Variants in ARHGAP10 observed in about 807,000 individuals in gnomAD.
ARHGAP10 encodes the protein rho GTPase-activating protein 10.
In ARHGAP10, 87 loss-of-function variants were observed where a neutral mutation model predicts 108.6. The observed-to-expected ratio is 0.80, with a 90% CI of 0.67 to 0.96. The LOEUF (loss-of-function observed/expected upper bound fraction) is 0.96, where lower values mean the gene tolerates loss of function less well. ARHGAP10 is among the 40% of genes least tolerant of loss of function. ARHGAP10 has a pLI of 0.00. For synonymous variants in ARHGAP10, 347 were observed against 341.1 expected (o/e 1.02, Z -0.19); for missense variants, 939 against 954.5 (o/e 0.98, Z 0.21).
At chr4:148,071,452 C>T (rs914163583) in intron 22 of ARHGAP10, among the ~76,000 whole-genome samples, 2 of 152,148 alleles carry the variant, frequency 1.3e-5, no homozygotes, top group African/African-American at 4.8e-5. Context: ...CCCATCTCTA[C>T]TAAAAATACA....
At chr4:147,913,242 G>A (rs1290010478) in intron 13 of ARHGAP10, 103 bp downstream of exon 13, 1 of 997,844 alleles carries the variant, frequency 1.0e-6, no homozygotes, top group Non-Finnish European at 1.6e-6. Context: ...AATGAAACGT[G>A]TTAACACAAA....
At chr4:147,911,582 T>C (rs1736735594) in intron 12 of ARHGAP10, among the ~76,000 whole-genome samples, 1 of 152,186 alleles carries the variant, frequency 6.6e-6, no homozygotes, top group Non-Finnish European at 1.5e-5. Flanking sequence ...CAGGATGGTC[T>C]TGATCTCCTG....
intron 19 of ARHGAP10, among the ~76,000 whole-genome samples, chr4:148,025,263 T>C (rs111771375): frequency 1.1e-4 from 16 of 152,322 alleles, no homozygotes; most frequent in African/African-American, 3.6e-4. Context: ...TTAACTTCTT[T>C]AGTCTGGTTT....
chr4:147,938,661 C>T (rs867534812), intron 13 of ARHGAP10, among the ~76,000 whole-genome samples: 3 of 152,134 alleles, frequency 2.0e-5, no homozygotes, highest in Non-Finnish European at 2.9e-5. Flanking sequence ...TTCATCACTC[C>T]GAGCAGGGAG....
At chr4:148,054,596 G>A (rs777159652) in intron 20 of ARHGAP10, among the ~76,000 whole-genome samples, 78 of 152,222 alleles carry the variant, frequency 5.1e-4, no homozygotes, top group African/African-American at 8.2e-4. Context: ...AGCTCTAGAT[G>A]TTGACCTGAA....
chr4:147,831,800 C>G (rs1252672752), intron 3 of ARHGAP10, among the ~76,000 whole-genome samples: 3 of 152,144 alleles, frequency 2.0e-5, no homozygotes, highest in Non-Finnish European at 4.4e-5. Context: ...CTATAGAGAT[C>G]ACAGTCAGGA....
chr4:147,919,169 G>A (rs776183770), intron 13 of ARHGAP10, among the ~76,000 whole-genome samples: 2 of 152,016 alleles, frequency 1.3e-5, no homozygotes, highest in Non-Finnish European at 2.9e-5. Context: ...CTGTACTATC[G>A]TTCTCAGTAC....
intron 1 of ARHGAP10, among the ~76,000 whole-genome samples, chr4:147,813,464 G>A (rs966531287): frequency 2.0e-5 from 3 of 152,160 alleles, no homozygotes; most frequent in Non-Finnish European, 4.4e-5. Flanking sequence ...ATTCTCTTGA[G>A]AATTTTAATT....
chr4:147,859,376 G>A lies in ARHGAP10; in HGVS notation c.486+1722G>A, dbSNP rs547678837. Among the ~76,000 whole-genome samples, 124 of 150,884 alleles carry A rather than the reference G, an allele frequency of 8.2e-4. 1 individual carries two copies. The highest frequency in any genetic ancestry group is 1.5e-3 in the Non-Finnish European group (103 of 67,882). Reference sequence around the variant, plus strand: ...CAACCTCCACCTGCCGGATTCAAGCGATTTTCCTGCCTCTGTCTCCTGTGT... The same window carrying A: ...CAACCTCCACCTGCCGGATTCAAGCAATTTTCCTGCCTCTGTCTCCTGTGT... On this transcript the variant is annotated intron_variant, in intron 5 of 22. Coordinates refer to ENST00000336498, the MANE Select transcript of ARHGAP10 (RefSeq NM_024605.4).
intron 18 of ARHGAP10, among the ~76,000 whole-genome samples, chr4:147,991,988 A>G (rs138942631): frequency 8.6e-4 from 131 of 152,334 alleles, no homozygotes; most frequent in African/African-American, 3.0e-3. Context: ...CAAAAAGTGC[A>G]GGATTAACTT....
intron 7 of ARHGAP10, among the ~76,000 whole-genome samples, chr4:147,873,681 A>AACACACACACAC (rs67852364): frequency 0.079 from 7,787 of 98,628 alleles, 562 homozygotes; most frequent in Middle Eastern, 0.1. Flanking sequence ...CAAAAAACAA[A>AACACACACACAC]ACACACACAC....
chr4:147,816,268 T>C (rs1560773606), intron 1 of ARHGAP10, among the ~76,000 whole-genome samples: 1 of 152,132 alleles, frequency 6.6e-6, no homozygotes, highest in Non-Finnish European at 1.5e-5. Flanking sequence ...TTCTCTCCAG[T>C]CCCCACATCA....
intron 1 of ARHGAP10, among the ~76,000 whole-genome samples, chr4:147,761,261 C>T (rs1729577480): frequency 6.6e-6 from 1 of 152,126 alleles, no homozygotes; most frequent in African/African-American, 2.4e-5. Context: ...AAGCAATCCT[C>T]CCTCCTTGAC....
chr4:147,917,847 G>T (rs1255164550), intron 13 of ARHGAP10, among the ~76,000 whole-genome samples: 2 of 148,956 alleles, frequency 1.3e-5, no homozygotes, highest in East Asian at 4.0e-4. Context: ...AGGTCTTAAA[G>T]TCGCATTTAT....
At chr4:148,062,664 T>C (rs972000969) in intron 20 of ARHGAP10, among the ~76,000 whole-genome samples, 1 of 152,184 alleles carries the variant, frequency 6.6e-6, no homozygotes, top group African/African-American at 2.4e-5. Flanking sequence ...TTTGGCCCTC[T>C]CTAGAGGAAG....
chr4:147,866,874 G>A (rs966499839), intron 7 of ARHGAP10, 58 bp downstream of exon 7: 5 of 1,408,274 alleles, frequency 3.6e-6, no homozygotes, highest in Non-Finnish European at 5.0e-6. Context: ...TTTCATTTGT[G>A]TGTTGTATGA....
At chr4:148,060,344 A>ACTTTTTTTTTTTTTTTTTTTT (rs1411745355) in intron 20 of ARHGAP10, among the ~76,000 whole-genome samples, 1 of 120,844 alleles carries the variant, frequency 8.3e-6, no homozygotes. Context: ...GCTCATGTTT[A>ACTTTTTTTTTTTTTTTTTTTT]GTTTTTTTTT....
chr4:147,912,021 G>A (rs1379508035), intron 12 of ARHGAP10, among the ~76,000 whole-genome samples: 2 of 150,232 alleles, frequency 1.3e-5, no homozygotes, highest in Non-Finnish European at 3.0e-5. Flanking sequence ...GTGTGTGTGT[G>A]TGTGTGTGTG....
chr4:147,897,381 G>T (rs1736035995), intron 10 of ARHGAP10, among the ~76,000 whole-genome samples: 1 of 151,944 alleles, frequency 6.6e-6, no homozygotes. Flanking sequence ...GTGATTACAG[G>T]CATGAGCCAC....
Sources: allele counts gnomAD v4.1 joint callset (sites outside exome capture counted in the v4.1 genomes callset), GRCh38; gene constraint gnomAD v4.1.1; transcripts MANE v1.5; gene names NCBI Gene and HGNC (gene_info 2026-07-23, HGNC 2026-07-21).